The following ZMAT4 variants were observed in gnomAD, a reference collection of about 807,000 sequenced individuals.
ZMAT4 encodes the protein zinc finger matrin-type 4.
ZMAT4 carries 17 observed loss-of-function variants against 28.7 expected under a neutral mutation model. The ratio of observed to expected loss-of-function variants is 0.59; its 90% CI spans 0.41 to 0.89. The LOEUF is 0.89. Ranked by LOEUF, ZMAT4 falls within the 40% of genes least tolerant of loss-of-function variation. The pLI is 0.00. For synonymous variants in ZMAT4, 117 were observed against 109.2 expected (o/e 1.07, Z -0.44); for missense variants, 240 against 283.8 (o/e 0.85, Z 1.11).
chr8:40,869,202 A>G (rs980905520), intron 1 of ZMAT4, among the ~76,000 whole-genome samples: 3 of 152,244 alleles, frequency 2.0e-5, no homozygotes, highest in African/African-American at 4.8e-5. Context: ...AGATCCAGAC[A>G]ACCTTCATCT....
chr8:40,870,207 C>T (rs1301714326), intron 1 of ZMAT4, among the ~76,000 whole-genome samples: 2 of 152,186 alleles, frequency 1.3e-5, no homozygotes, highest in East Asian at 3.9e-4. Flanking sequence ...ACCTGCACAG[C>T]AAGACAGCCT....
intron 3 of ZMAT4, among the ~76,000 whole-genome samples, chr8:40,720,047 T>G (rs754816349): frequency 6.6e-6 from 1 of 152,202 alleles, no homozygotes; most frequent in South Asian, 2.1e-4. Flanking sequence ...CTGCCTCCCA[T>G]GAACCTAGGT....
chr8:40,607,643 C>T (rs943699799), intron 5 of ZMAT4, among the ~76,000 whole-genome samples: 6 of 152,072 alleles, frequency 3.9e-5, no homozygotes, highest in Admixed American at 6.5e-5. Context: ...CTGGTTCCTT[C>T]TCATTTGGGT....
intron 6 of ZMAT4, among the ~76,000 whole-genome samples, chr8:40,565,597 C>T (rs1484273292): frequency 7.5e-6 from 1 of 132,460 alleles, no homozygotes; most frequent in Non-Finnish European, 1.7e-5. Flanking sequence ...AGGCTGGTCT[C>T]GAACTCCTGT....
chr8:40,814,389 C>G (rs1381531457), intron 2 of ZMAT4, among the ~76,000 whole-genome samples: 1 of 152,134 alleles, frequency 6.6e-6, no homozygotes, highest in Non-Finnish European at 1.5e-5. Flanking sequence ...CATATGTTTT[C>G]AAGTGAACAC....
At chr8:40,598,890 C>A (rs902793682) in intron 5 of ZMAT4, among the ~76,000 whole-genome samples, 1 of 152,100 alleles carries the variant, frequency 6.6e-6, no homozygotes, top group Non-Finnish European at 1.5e-5. Flanking sequence ...TCAGCCAGTA[C>A]GAATGTCTGC....
chr8:40,891,090 T>G (rs548800842), intron 1 of ZMAT4, among the ~76,000 whole-genome samples: 2 of 148,590 alleles, frequency 1.3e-5, no homozygotes, highest in South Asian at 4.4e-4. Context: ...TCCCAGAGCT[T>G]TGGGAGCTAA....
intron 6 of ZMAT4, among the ~76,000 whole-genome samples, chr8:40,537,736 G>A (rs1338281609): frequency 6.6e-6 from 1 of 152,140 alleles, no homozygotes; most frequent in East Asian, 1.9e-4. Context: ...AGCCAGAAGG[G>A]ATCCCAGAGA....
At chr8:40,596,172 G>T (rs941335489) in intron 5 of ZMAT4, among the ~76,000 whole-genome samples, 12 of 152,158 alleles carry the variant, frequency 7.9e-5, no homozygotes, top group African/African-American at 2.9e-4. Context: ...TACTGTAATT[G>T]AAGCTTGCAG....
chr8:40,642,981 A>T (rs1457321501), intron 5 of ZMAT4, among the ~76,000 whole-genome samples: 1 of 152,206 alleles, frequency 6.6e-6, no homozygotes. Context: ...CCTGTGTCAG[A>T]TTCTTCATGA....
intron 1 of ZMAT4, among the ~76,000 whole-genome samples, chr8:40,851,701 A>G (rs1563527356): frequency 6.6e-6 from 1 of 152,204 alleles, no homozygotes; most frequent in Non-Finnish European, 1.5e-5. Flanking sequence ...CCATACATAC[A>G]TATCTCAAAC....
chr8:40,802,740 G>T (rs186733004), intron 2 of ZMAT4, among the ~76,000 whole-genome samples: 1 of 152,120 alleles, frequency 6.6e-6, no homozygotes, highest in Non-Finnish European at 1.5e-5. Context: ...AGTTTAGACA[G>T]AGAGGCAAAA....
chr8:40,809,927 C>T (rs1249066832), intron 2 of ZMAT4, among the ~76,000 whole-genome samples: 1 of 152,008 alleles, frequency 6.6e-6, no homozygotes, highest in Non-Finnish European at 1.5e-5. Context: ...ACCTGTAATT[C>T]CAGCTACTTG....
At chr8:40,580,012 T>C (rs1804401825) in intron 6 of ZMAT4, among the ~76,000 whole-genome samples, 1 of 114,030 alleles carries the variant, frequency 8.8e-6, no homozygotes, top group African/African-American at 4.7e-5. Context: ...GTATTCATCT[T>C]TTTTTTTTTT....
rs58883945 is a variant in ZMAT4 at position 40,547,385 on chromosome 8, C to G, written c.675-15147G>C. ...AAAGCAGCAGCTCGCTGTTAAGAAG[C>G]CTCATCTTCATTCTATGAAAGCATT... On this transcript the variant is annotated intron_variant, in intron 6 of 6. Coordinates refer to ENST00000297737, the MANE Select transcript of ZMAT4 (RefSeq NM_024645.3). Among the ~76,000 whole-genome samples, 390 of 152,302 alleles carry G rather than the reference C, an allele frequency of 2.6e-3. 2 individuals are homozygous for G. The highest frequency in any genetic ancestry group is 8.7e-3 in the African/African-American group (363 of 41,568).
At chr8:40,634,262 T>G (rs556094094) in intron 5 of ZMAT4, among the ~76,000 whole-genome samples, 128 of 152,304 alleles carry the variant, frequency 8.4e-4, no homozygotes, top group Admixed American at 3.2e-3. Flanking sequence ...AGCACTGGAC[T>G]GAATGAAGTT....
At chr8:40,608,894 C>T (rs1319094755) in intron 5 of ZMAT4, among the ~76,000 whole-genome samples, 1 of 152,190 alleles carries the variant, frequency 6.6e-6, no homozygotes, top group Admixed American at 6.5e-5. Context: ...GACTTTCCCC[C>T]TTTCACACTT....
chr8:40,833,092 T>A (rs534824449), intron 1 of ZMAT4, among the ~76,000 whole-genome samples: 3 of 152,152 alleles, frequency 2.0e-5, no homozygotes, highest in Admixed American at 6.5e-5. Flanking sequence ...AGCGGGTGGT[T>A]TTCGTGATCA....
At chr8:40,887,490 G>GAAA (rs35329610) in intron 1 of ZMAT4, among the ~76,000 whole-genome samples, 6 of 124,344 alleles carry the variant, frequency 4.8e-5, no homozygotes, top group African/African-American at 5.8e-5. Flanking sequence ...CTTCATCTCA[G>GAAA]AAAAAAAAAA....
Sources: gnomAD v4.1 joint callset for allele counts (sites outside exome capture counted in the v4.1 genomes callset) on GRCh38, gnomAD v4.1.1 for gene constraint, MANE v1.5 for transcripts, NCBI Gene and HGNC (gene_info 2026-07-23, HGNC 2026-07-21) for gene names.